Variants in TYW5 observed in about 807,000 individuals in gnomAD.
The protein encoded by TYW5 is tRNA wybutosine-synthesizing protein 5.
In TYW5, 36 loss-of-function variants were observed where a neutral mutation model predicts 44.4. The ratio of observed to expected loss-of-function variants is 0.81; its 90% confidence interval spans 0.62 to 1.07. The LOEUF (loss-of-function observed/expected upper bound fraction) is 1.07. Ranked by LOEUF, TYW5 falls within the 50% of genes least tolerant of loss-of-function variation. TYW5 has a pLI of 0.00. For missense variants in TYW5, 354 were observed against 365.7 expected (o/e 0.97, Z 0.26); for synonymous variants, 121 against 128.1 (o/e 0.94, Z 0.37).
chr2:199,953,179 C>T (rs1201908267), intron 1 of TYW5, among the ~76,000 whole-genome samples: 1 of 152,042 alleles, frequency 6.6e-6, no homozygotes, highest in Non-Finnish European at 1.5e-5. Context: ...AAAAATTAGC[C>T]GGACGTCGGG....
At position 199,928,986 on chromosome 2, in the gene TYW5, TTTG is replaced by T. The variant is rs796396018; in HGVS notation, c.*4078_*4080del. 6.6e-6 allele frequency among the ~76,000 whole-genome samples: 1 copy of T among 152,188 alleles called. No homozygotes were observed. Among genetic ancestry groups the T allele is most frequent in the African/African-American group, 2.4e-5 (1 of 41,458 alleles). On this transcript the variant is annotated 3_prime_UTR_variant, in exon 8 of 8. Transcript: ENST00000354611. ...AAGGTAGTATTCATAAAAGAGCTAT[TTTG>T]TTTTATTTCACTTGAAGTTCTTAAG...
intron 1 of TYW5, among the ~76,000 whole-genome samples, chr2:199,954,809 C>T (rs940245672): frequency 6.6e-6 from 1 of 152,218 alleles, no homozygotes. Flanking sequence ...CATAAACTGA[C>T]TTACTGTAAT....
intron 2 of TYW5, 77 bp downstream of exon 2, chr2:199,948,241 G>T: frequency 2.0e-6 from 3 of 1,475,872 alleles, no homozygotes; most frequent in South Asian, 1.2e-5. Context: ...TATGGTCTTT[G>T]TATAATAATG....
chr2:199,945,990 A>G (rs185493354), intron 2 of TYW5: 12 of 152,344 alleles, frequency 7.9e-5, no homozygotes, highest in East Asian at 3.9e-4. Context: ...CAGCACCAGT[A>G]AGGAGGGTAA....
intron 3 of TYW5, chr2:199,943,284 A>T (rs1045294372): frequency 6.6e-6 from 1 of 152,430 alleles, no homozygotes; most frequent in Admixed American, 6.5e-5. Flanking sequence ...TCCTGAACAA[A>T]TATTACAGCA....
At chr2:199,945,161 CAT>C (rs927829159) in intron 2 of TYW5, 9 of 152,140 alleles carry the variant, frequency 5.9e-5, no homozygotes, top group African/African-American at 2.2e-4. Flanking sequence ...TTCTATGGAC[CAT>C]ATGTCTTACC....
At chr2:199,952,937 G>A (rs1051672172) in intron 1 of TYW5, among the ~76,000 whole-genome samples, 1 of 152,156 alleles carries the variant, frequency 6.6e-6, no homozygotes, top group African/African-American at 2.4e-5. Context: ...ATACCATAAT[G>A]GTGGATTCAT....
chr2:199,950,549 G>T (rs1330783450), intron 1 of TYW5, among the ~76,000 whole-genome samples: 1 of 152,152 alleles, frequency 6.6e-6, no homozygotes, highest in African/African-American at 2.4e-5. Flanking sequence ...TCTTCCCCGG[G>T]TACTCTGGTT....
intron 3 of TYW5, chr2:199,942,472 A>G (rs916502585): frequency 2.6e-5 from 4 of 152,144 alleles, no homozygotes; most frequent in Non-Finnish European, 5.9e-5. Context: ...TTAGACTTTA[A>G]TCTTTTACCA....
At chr2:199,936,707 G>C (rs1574795691) in intron 5 of TYW5, among the ~76,000 whole-genome samples, 1 of 152,156 alleles carries the variant, frequency 6.6e-6, no homozygotes, top group Non-Finnish European at 1.5e-5. Flanking sequence ...GGGAAGACTT[G>C]GCAAATTAGA....
intron 7 of TYW5, among the ~76,000 whole-genome samples, chr2:199,933,787 T>A (rs2077398741): frequency 6.6e-6 from 1 of 152,190 alleles, no homozygotes; most frequent in South Asian, 2.1e-4. Context: ...CAAGCTGCGA[T>A]TTGGTTTTCT....
intron 1 of TYW5, among the ~76,000 whole-genome samples, chr2:199,949,268 T>C (rs1352933810): frequency 1.3e-5 from 2 of 152,054 alleles, no homozygotes; most frequent in Non-Finnish European, 2.9e-5. Context: ...CTCGGGAGGC[T>C]GAGATGGAAG....
chr2:199,944,572 C>T (rs906109818), intron 2 of TYW5: 5 of 152,206 alleles, frequency 3.3e-5, no homozygotes, highest in Admixed American at 2.0e-4. Context: ...TATTCCTTTA[C>T]TCTCTAGAAT....
At chr2:199,937,523 G>A (rs2077430091) in intron 5 of TYW5, among the ~76,000 whole-genome samples, 1 of 151,794 alleles carries the variant, frequency 6.6e-6, no homozygotes, top group African/African-American at 2.4e-5. Context: ...AAAAAAATTA[G>A]CCGGGTGTGG....
At chr2:199,939,762 T>C (rs554233051) in intron 4 of TYW5, among the ~76,000 whole-genome samples, 5 of 152,334 alleles carry the variant, frequency 3.3e-5, no homozygotes, top group Middle Eastern at 3.4e-3. Context: ...ACTTATACAA[T>C]GAACTATTCA....
chr2:199,940,733 G>A (rs533802199), intron 3 of TYW5, among the ~76,000 whole-genome samples: 1 of 151,874 alleles, frequency 6.6e-6, no homozygotes, highest in East Asian at 1.9e-4. Context: ...AAAACAATAA[G>A]TAAAATAAAT....
rs2077373047 is a variant in TYW5, at chr2:199,931,003, T to C, written c.*2064A>G. The C allele has an allele frequency of 6.6e-6, 1 of 152,204 alleles. No homozygotes were observed. Among genetic ancestry groups the C allele is most frequent in the Admixed American group, 6.5e-5 (1 of 15,268 alleles). 9.4% of individuals were successfully genotyped at this position (152,204 alleles called of 1,614,324 possible). A position where few individuals can be genotyped will look rare whatever the true frequency, so the allele number is the denominator to read the frequency against. ...TCTTAACCCAGTAGGAAGAAAAGAT[T>C]AAAATATTTTGTATTTGAAATAAAC... On this transcript the variant is annotated 3_prime_UTR_variant, in exon 8 of 8. Coordinates refer to ENST00000354611, the MANE Select transcript of TYW5 (RefSeq NM_001039693.3).
intron 4 of TYW5, 24 bp from the exon 5 acceptor site, chr2:199,939,094 GAA>G: frequency 6.3e-7 from 1 of 1,575,568 alleles, no homozygotes. Context: ...AACATAAAAA[GAA>G]AAAATTAGAT....
At chr2:199,943,717 A>G (rs757834176) in intron 3 of TYW5, 48 bp downstream of exon 3, 81 of 1,408,684 alleles carry the variant, frequency 5.8e-5, no homozygotes, top group Non-Finnish European at 7.1e-5. Context: ...AAATCCATTT[A>G]GTATATAGAT....
Sources: gnomAD v4.1 joint callset for allele counts (sites outside exome capture counted in the v4.1 genomes callset) on GRCh38, gnomAD v4.1.1 for gene constraint, MANE v1.5 for transcripts, NCBI Gene and HGNC (gene_info 2026-07-23, HGNC 2026-07-21) for gene names.